Variants in DLG2 observed in about 807,000 individuals in gnomAD.
DLG2 encodes discs large MAGUK scaffold protein 2, also known as disks large homolog 2.
Under a neutral mutation model 132.5 loss-of-function variants are expected in DLG2, and 45 were observed. The observed-to-expected ratio is 0.34, with a 90% CI of 0.27 to 0.44. The LOEUF (loss-of-function observed/expected upper bound fraction) is 0.44. Among genes scored for constraint, DLG2 ranks in the 20% least tolerant of loss-of-function variants. The probability of loss-of-function intolerance (pLI) is 1.00; values close to 1 mark genes in which losing one functional copy is unlikely to be tolerated. For missense variants in DLG2, 1,045 were observed against 1,196.9 expected (o/e 0.87, Z 1.87); for synonymous variants, 424 against 419.6 (o/e 1.01, Z -0.13).
intron 3 of DLG2, among the ~76,000 whole-genome samples, chr11:85,332,763 G>A (rs1369042020): frequency 1.3e-5 from 2 of 152,110 alleles, no homozygotes; most frequent in Non-Finnish European, 2.9e-5. Flanking sequence ...TCAGATGACT[G>A]TAGGTGTGTG....
At chr11:84,641,077 T>C (rs2099662112) in intron 6 of DLG2, among the ~76,000 whole-genome samples, 1 of 152,216 alleles carries the variant, frequency 6.6e-6, no homozygotes, top group Non-Finnish European at 1.5e-5. Flanking sequence ...GAACCAGGTG[T>C]TAGAGTCACA....
intron 18 of DLG2, among the ~76,000 whole-genome samples, chr11:83,661,206 C>T (rs529428929): frequency 1.3e-5 from 2 of 152,264 alleles, no homozygotes; most frequent in South Asian, 4.1e-4. Context: ...CCACCTATAA[C>T]TCTGAATTAG....
chr11:84,069,842 G>A (rs1283738032), intron 10 of DLG2, among the ~76,000 whole-genome samples: 1 of 152,202 alleles, frequency 6.6e-6, no homozygotes, highest in Non-Finnish European at 1.5e-5. Flanking sequence ...GGTACAACAT[G>A]GAAAAGAGAC....
chr11:84,286,889 A>C (rs553171357), intron 7 of DLG2, among the ~76,000 whole-genome samples: 3 of 152,296 alleles, frequency 2.0e-5, no homozygotes, highest in African/African-American at 7.2e-5. Context: ...CTGCAGAAGC[A>C]GAGAGGATAG....
intron 5 of DLG2, among the ~76,000 whole-genome samples, chr11:85,127,857 T>C (rs1198079586): frequency 1.3e-5 from 2 of 152,196 alleles, no homozygotes; most frequent in Non-Finnish European, 2.9e-5. Flanking sequence ...AAGGACAAGA[T>C]GCCACCTTTT....
At chr11:84,421,924 C>T (rs993625177) in intron 7 of DLG2, among the ~76,000 whole-genome samples, 2 of 152,148 alleles carry the variant, frequency 1.3e-5, no homozygotes, top group East Asian at 1.9e-4. Flanking sequence ...ATCCCCTCTC[C>T]GAGGCCTCCT....
intron 2 of DLG2, among the ~76,000 whole-genome samples, chr11:85,604,033 A>C (rs2080349439): frequency 6.6e-6 from 1 of 152,236 alleles, no homozygotes; most frequent in Non-Finnish European, 1.5e-5. Flanking sequence ...TAGATAAGTA[A>C]GGGGAATTTC....
At chr11:83,553,512 G>GTGTGTGTGTT (rs1385413624) in intron 19 of DLG2, among the ~76,000 whole-genome samples, 3 of 149,874 alleles carry the variant, frequency 2.0e-5, no homozygotes, top group Non-Finnish European at 4.4e-5. Context: ...GTGTGTGTGT[G>GTGTGTGTGTT]TGTGTGTGTG....
chr11:84,420,645 GTTTTCT>G (rs2098945924), intron 7 of DLG2, among the ~76,000 whole-genome samples: 3 of 48,916 alleles, frequency 6.1e-5, no homozygotes, highest in African/African-American at 1.0e-4. Flanking sequence ...ACCAATGCTT[GTTTTCT>G]TTTTTTTTTT....
At chr11:84,040,737 GT>G (rs1367134745) in intron 11 of DLG2, among the ~76,000 whole-genome samples, 7 of 150,146 alleles carry the variant, frequency 4.7e-5, no homozygotes, top group South Asian at 2.1e-4. Context: ...CTTTAAAGTA[GT>G]TTTTTCCAAT....
chr11:84,259,254 C>CTG (rs2097522019), intron 7 of DLG2, among the ~76,000 whole-genome samples: 1 of 137,664 alleles, frequency 7.3e-6, no homozygotes. Context: ...CCTGGGGAGA[C>CTG]TGTGTCTCGA....
intron 6 of DLG2, among the ~76,000 whole-genome samples, chr11:85,110,992 T>C (rs2072639948): frequency 6.6e-6 from 1 of 152,090 alleles, no homozygotes; most frequent in South Asian, 2.1e-4. Flanking sequence ...TATTACAGAG[T>C]ATCATACATT....
intron 6 of DLG2, chr11:84,800,638 C>T (rs1437672811): frequency 6.6e-6 from 1 of 152,104 alleles, no homozygotes; most frequent in Non-Finnish European, 1.5e-5. Flanking sequence ...TCATATTTTT[C>T]TATCACCTTT....
In DLG2 at chr11:83,461,239, G is replaced by C. The variant is rs537463857; in HGVS notation, c.2821+763C>G. Among the ~76,000 whole-genome samples, 4 of 152,080 alleles carry C rather than the reference G, an allele frequency of 2.6e-5. No individual in the cohort carries two copies. In the East Asian group the frequency reaches 7.7e-4, roughly 29 times the overall value. On this transcript the variant is annotated intron_variant, in intron 27 of 27. Coordinates refer to ENST00000376104, the MANE Select transcript of DLG2 (RefSeq NM_001142699.3). ...TTGGCCAGGCTGGTCTCGAACTCCT[G>C]ACCTCAGGTGATCCACCCACCTCAG... is the stretch of plus-strand genomic sequence containing the variant.
chr11:83,856,135 C>T (rs1241076758), intron 16 of DLG2, among the ~76,000 whole-genome samples: 1 of 152,144 alleles, frequency 6.6e-6, no homozygotes, highest in Non-Finnish European at 1.5e-5. Context: ...TGACTTCCAG[C>T]TCCATCCATA....
At chr11:85,519,123 G>C (rs1248797304) in intron 3 of DLG2, among the ~76,000 whole-genome samples, 1 of 152,128 alleles carries the variant, frequency 6.6e-6, no homozygotes. Context: ...TGTGAGGTTG[G>C]AGGCCCCACA....
chr11:84,406,517 G>T (rs996355639), intron 7 of DLG2, among the ~76,000 whole-genome samples: 1 of 151,990 alleles, frequency 6.6e-6, no homozygotes, highest in Non-Finnish European at 1.5e-5. Context: ...ATTTCACTTT[G>T]TTTGTAGAGA....
At chr11:84,443,020 A>C (rs2099022255) in intron 7 of DLG2, among the ~76,000 whole-genome samples, 1 of 152,186 alleles carries the variant, frequency 6.6e-6, no homozygotes. Context: ...TCTGCACCGA[A>C]GAAATACCCA....
chr11:84,769,388 T>G (rs2068907752), intron 6 of DLG2, among the ~76,000 whole-genome samples: 1 of 152,134 alleles, frequency 6.6e-6, no homozygotes, highest in South Asian at 2.1e-4. Context: ...AGAAAGAATT[T>G]CAGGGCACGA....
Sources: allele counts gnomAD v4.1 joint callset (sites outside exome capture counted in the v4.1 genomes callset), GRCh38; gene constraint gnomAD v4.1.1; transcripts MANE v1.5; gene names NCBI Gene and HGNC (gene_info 2026-07-23, HGNC 2026-07-21).